Variants in MFNG observed in about 807,000 individuals in gnomAD.
MFNG encodes the protein MFNG O-fucosylpeptide 3-beta-N-acetylglucosaminyltransferase, also known as beta-1,3-N-acetylglucosaminyltransferase manic fringe.
MFNG carries 24 observed loss-of-function variants against 34.2 expected under a neutral mutation model. That is an observed-to-expected ratio of 0.70 (90% CI 0.51 to 0.99). The LOEUF (loss-of-function observed/expected upper bound fraction) is 0.99, where lower values mean the gene tolerates loss of function less well. Among genes scored for constraint, MFNG ranks in the 50% least tolerant of loss-of-function variants. The probability of loss-of-function intolerance (pLI) is 0.00; values close to 1 mark genes in which losing one functional copy is unlikely to be tolerated. For missense variants in MFNG, 383 were observed against 424.0 expected, an observed-to-expected ratio of 0.90 and a Z score of 0.85; for synonymous variants, 158 against 179.2, an observed-to-expected ratio of 0.88 and a Z score of 0.94.
In MFNG at chr22:37,480,270, C is replaced by T. The variant is rs372080629; in HGVS notation, c.334G>A (p.Ala112Thr). The change falls in exon 3 of 8, where the codon GCG becomes ACG. Residue 112 changes from alanine to threonine, a missense_variant. Coordinates refer to ENST00000356998, the MANE Select transcript of MFNG (RefSeq NM_002405.4). ...GACAGAGCTGGGTGGCTGTGTTCCG[C>T]GGAGCAGTTGGTGACCACAAGGTGG... ...GSHLVVTNCS[A>T]EHSHPALSCK... 35 of 1,613,612 alleles carry T rather than the reference C, an allele frequency of 2.2e-5. No individual in the cohort carries two copies. Among genetic ancestry groups the T allele is most frequent in the African/African-American group, 1.3e-4 (10 of 74,908 alleles).
intron 4 of MFNG, among the ~76,000 whole-genome samples, chr22:37,478,674 T>C (rs1922147890): frequency 8.3e-6 from 1 of 120,206 alleles, no homozygotes; most frequent in South Asian, 2.4e-4. Flanking sequence ...TATTCAGCAA[T>C]TTTTTTTTTT....
At position 37,485,253 on chromosome 22, in the gene MFNG, T is replaced by C. The variant is rs372792368; in HGVS notation, c.255+670A>G. On this transcript the variant is annotated intron_variant, in intron 1 of 7. Transcript: ENST00000356998. This position sits in a 1 kb window ranked among gnomAD's most constrained non-coding sequence, Gnocchi z 5.3. ...CCCCAACCTCCGGCCCACCACTGCC[T>C]CAGCCGCCACCCTCGTGGCATGCGC... Among the ~76,000 whole-genome samples the C allele has an allele frequency of 1.0e-3, 158 of 151,954 alleles. No homozygotes were observed. Among genetic ancestry groups the C allele is most frequent in the African/African-American group, 3.4e-3 (142 of 41,416 alleles).
chr22:37,471,761 G>A (rs1201007340), intron 7 of MFNG, among the ~76,000 whole-genome samples: 2 of 151,048 alleles, frequency 1.3e-5, no homozygotes, highest in South Asian at 2.1e-4. Flanking sequence ...AACCCGGGGG[G>A]CGGAGGTTGC....
chr22:37,474,379 T>C, intron 6 of MFNG, 133 bp downstream of exon 6: 2 of 1,079,324 alleles, frequency 1.9e-6, no homozygotes, highest in Non-Finnish European at 2.6e-6. Flanking sequence ...AGTTTCCCCA[T>C]CAATAGGGAA....
rs557669263 is a variant in MFNG at position 37,483,770 on chromosome 22, C to A, written c.255+2153G>T. Among the ~76,000 whole-genome samples, 131 of 152,018 alleles carry A rather than the reference C, an allele frequency of 8.6e-4. No individual in the cohort carries two copies. Among genetic ancestry groups the A allele is most frequent in the African/African-American group, 2.6e-3 (106 of 41,450 alleles). On this transcript the variant is annotated intron_variant, in intron 1 of 7. Transcript: ENST00000356998. This position sits in a 1 kb window ranked among gnomAD's most constrained non-coding sequence, Gnocchi z 4.5. ...CCTGGAAAACAGAGTGAGACTCTGT[C>A]TCAAAATAAACAAAACAAAACACCA...
intron 7 of MFNG, among the ~76,000 whole-genome samples, chr22:37,470,805 C>G (rs764678081): frequency 3.3e-5 from 5 of 152,174 alleles, no homozygotes; most frequent in Non-Finnish European, 5.9e-5. Flanking sequence ...TGCCACGTCC[C>G]CAACCAAATT....
chr22:37,477,847 A>T (rs1048522784), intron 4 of MFNG, among the ~76,000 whole-genome samples: 6 of 152,148 alleles, frequency 3.9e-5, no homozygotes. Flanking sequence ...TGTGTTCACG[A>T]CCACTCTTTG....
rs74729565 is a variant in MFNG at position 37,474,575 on chromosome 22, G to A, written c.750C>T (p.Ser250=). 26 of 1,614,168 alleles carry A rather than the reference G, an allele frequency of 1.6e-5. No homozygotes were observed. The East Asian group carries it at 4.2e-4, about 26-fold the overall frequency. The change falls in exon 6 of 8, where the codon AGC becomes AGT. Residue 250 remains serine, a synonymous_variant. Transcript: ENST00000356998. ...TCTCCAGGTGGGAGTGAAAGAGGGG[G>A]CTGGGCTGCAGGCGGCCGCCCAGCT... ...ECKLGGRLQP[S]PLFHSHLETL...
rs774952005 is a variant in MFNG, at chr22:37,479,326, G to A, written c.561+19C>T. 1.9e-5 allele frequency: 30 copies of A among 1,548,744 alleles called. No individual in the cohort carries two copies. Among genetic ancestry groups the A allele is most frequent in the East Asian group, 9.7e-5 (4 of 41,044 alleles). On this transcript the variant is annotated intron_variant, in intron 4 of 7. Transcript: ENST00000356998. The stretch of plus-strand genomic sequence containing the variant: ...GGGATCAGCGGGCCAAGGGGCAAAG[G>A]AGGAGGAGAGGGACCCACCGTGCGG...
intron 4 of MFNG, 83 bp from the exon 5 acceptor site, chr22:37,477,064 C>T (rs1367334064): frequency 8.5e-7 from 1 of 1,173,240 alleles, no homozygotes; most frequent in African/African-American, 1.5e-5. Context: ...CCTTCACCCC[C>T]AACCAGCATG....
At chr22:37,484,884 C>A (rs1256894790) in intron 1 of MFNG, among the ~76,000 whole-genome samples, 1 of 152,200 alleles carries the variant, frequency 6.6e-6, no homozygotes. Context: ...ATCCTCTCCC[C>A]CTCCTTTTGG....
At chr22:37,474,474 C>T in intron 6 of MFNG, 38 bp downstream of exon 6, 7 of 1,608,670 alleles carry the variant, frequency 4.4e-6, no homozygotes, top group Non-Finnish European at 5.1e-6. Context: ...CCTTTGGTTC[C>T]CCTTCCCATT....
Position 37,482,428 on chromosome 22 carries a change from C to G in MFNG, c.256-1659G>C, listed in dbSNP as rs1601799979. On this transcript the variant is annotated intron_variant, in intron 1 of 7. Transcript: ENST00000356998. The surrounding 1 kb of genome is among the most constrained non-coding windows in gnomAD (Gnocchi z 4.1). ...GGGGCTTCTCTCTCTGTCTCTCTCTCTCACACACACACACGCACACACACG... is the reference window on the plus strand; with the variant it reads ...GGGGCTTCTCTCTCTGTCTCTCTCTGTCACACACACACACGCACACACACG... 6.7e-6 allele frequency among the ~76,000 whole-genome samples: 1 copy of G among 149,378 alleles called. No individual in the cohort carries two copies. Among genetic ancestry groups the G allele is most frequent in the African/African-American group, 2.5e-5 (1 of 40,076 alleles).
chr22:37,480,305 G>C lies in MFNG; in HGVS notation c.305-6C>G, dbSNP rs1212822652. On this transcript the variant is annotated splice_region_variant and splice_polypyrimidine_tract_variant and intron_variant, in intron 2 of 7. Transcript: ENST00000356998. Reference sequence around the variant, plus strand: ...GGTGACCACAAGGTGGGACCCTGGAGAAGTGAGGAGGAGTCAGGGGACCCT... The same window carrying C: ...GGTGACCACAAGGTGGGACCCTGGACAAGTGAGGAGGAGTCAGGGGACCCT... 1.2e-6 allele frequency: 2 copies of C among 1,611,992 alleles called. No homozygotes were observed. The highest frequency in any genetic ancestry group is 2.7e-5 in the African/African-American group (2 of 74,908).
chr22:37,475,920 C>A (rs1300731055), intron 5 of MFNG, among the ~76,000 whole-genome samples: 1 of 152,200 alleles, frequency 6.6e-6, no homozygotes, highest in Non-Finnish European at 1.5e-5. Context: ...GTATGAATTG[C>A]CTGGGGCGCC....
chr22:37,471,093 C>A (rs920084796), intron 7 of MFNG, among the ~76,000 whole-genome samples: 2 of 152,194 alleles, frequency 1.3e-5, no homozygotes, highest in Non-Finnish European at 2.9e-5. Context: ...GGCATACTCA[C>A]CCTCATCCCC....
At chr22:37,476,830 G>T in intron 5 of MFNG, 66 bp downstream of exon 5, 2 of 1,294,736 alleles carry the variant, frequency 1.5e-6, no homozygotes. Context: ...TGCTGCAAAG[G>T]CCCCTCCTGT....
At chr22:37,473,727 A>G (rs1354289105) in intron 6 of MFNG, among the ~76,000 whole-genome samples, 1 of 152,224 alleles carries the variant, frequency 6.6e-6, no homozygotes, top group African/African-American at 2.4e-5. Flanking sequence ...AGTGGGGGGA[A>G]AGCTGGGGCT....
chr22:37,479,866 T>A (rs1922211761), intron 3 of MFNG, among the ~76,000 whole-genome samples: 1 of 152,088 alleles, frequency 6.6e-6, no homozygotes, highest in Admixed American at 6.5e-5. Flanking sequence ...TAGCCAGGCA[T>A]GATGGTGGGC....
Sources: gnomAD v4.1 joint callset for allele counts (sites outside exome capture counted in the v4.1 genomes callset) on GRCh38, gnomAD v4.1.1 for gene constraint, Gnocchi (gnomAD v3.1) non-coding constraint, MANE v1.5 for transcripts, NCBI Gene and HGNC (gene_info 2026-07-23, HGNC 2026-07-21) for gene names.